Variants in NAV3 observed in about 807,000 individuals in gnomAD.
The protein encoded by NAV3 is neuron navigator 3, also known as pore membrane and/or filament interacting like protein 1.
In NAV3, 87 loss-of-function variants were observed where a neutral mutation model predicts 244.7. The ratio of observed to expected loss-of-function variants is 0.36; its 90% confidence interval spans 0.30 to 0.42. The LOEUF (loss-of-function observed/expected upper bound fraction) is 0.42, where lower values mean the gene tolerates loss of function less well. Among genes scored for constraint, NAV3 ranks in the 20% least tolerant of loss-of-function variants. The pLI is 1.00. For synonymous variants in NAV3, 1,126 were observed against 1,042.2 expected (o/e 1.08, Z -1.55); for missense variants, 2,663 against 2,893.3 (o/e 0.92, Z 1.83).
intron 2 of NAV3, among the ~76,000 whole-genome samples, chr12:77,638,674 T>C (rs1046064405): frequency 5.3e-5 from 8 of 152,250 alleles, no homozygotes; most frequent in Non-Finnish European, 8.8e-5. Flanking sequence ...TGACAGTTTA[T>C]ATAATAATTA....
intron 2 of NAV3, among the ~76,000 whole-genome samples, chr12:77,652,812 G>C (rs1189333972): frequency 1.3e-5 from 2 of 152,178 alleles, no homozygotes; most frequent in African/African-American, 4.8e-5. Flanking sequence ...AAAAATAGTA[G>C]AGCCCATTAT....
At chr12:78,120,104 TATC>T (rs1210098212) in intron 15 of NAV3, among the ~76,000 whole-genome samples, 159 bp downstream of exon 15, 3 of 151,892 alleles carry the variant, frequency 2.0e-5, no homozygotes, top group African/African-American at 2.4e-5. Flanking sequence ...CTATGAAGCT[TATC>T]ATATAAACAG....
intron 37 of NAV3, 77 bp from the exon 38 acceptor site, chr12:78,200,396 T>C (rs182217760): frequency 1.3e-5 from 11 of 825,914 alleles, no homozygotes; most frequent in Admixed American, 8.1e-5. Flanking sequence ...TATATTATAT[T>C]CCAAAATGGT....
At chr12:77,658,460 G>C (rs772320056) in intron 2 of NAV3, among the ~76,000 whole-genome samples, 1,717 of 145,638 alleles carry the variant, frequency 0.012, 28 homozygotes, top group Non-Finnish European at 0.02. Context: ...AATAAAAGAG[G>C]ATAGAAACAA....
Position 77,883,895 on chromosome 12 carries a change from A to T in NAV3, c.243+52191A>T, listed in dbSNP as rs139315098. On this transcript the variant is annotated intron_variant, in intron 1 of 39. Transcript: ENST00000397909. ...TCTTTCCTAGAAAAAATGTGATTGTATTTTCCTGACATTATTTTATAAACA... is the reference window on the plus strand; with the variant it reads ...TCTTTCCTAGAAAAAATGTGATTGTTTTTTCCTGACATTATTTTATAAACA... Among the ~76,000 whole-genome samples, 4 of 152,158 alleles carry T rather than the reference A, an allele frequency of 2.6e-5. No homozygotes were observed. In the East Asian group the frequency reaches 5.8e-4, roughly 22 times the overall value.
chr12:77,684,226 A>G (rs927208352), intron 2 of NAV3, among the ~76,000 whole-genome samples: 43 of 152,282 alleles, frequency 2.8e-4, no homozygotes, highest in African/African-American at 9.9e-4. Flanking sequence ...GCATTCACAT[A>G]TACTCTTCTG....
chr12:77,821,092 AACACAC>A (rs10555319), intron 2 of NAV3, among the ~76,000 whole-genome samples: 5 of 150,178 alleles, frequency 3.3e-5, no homozygotes, highest in South Asian at 2.1e-4. Context: ...TGTTCGCACA[AACACAC>A]ACACACACAC....
chr12:77,673,080 A>G (rs1874058757), intron 2 of NAV3, among the ~76,000 whole-genome samples: 1 of 152,154 alleles, frequency 6.6e-6, no homozygotes, highest in African/African-American at 2.4e-5. Context: ...GAGGTAATCA[A>G]GTGTATTTTG....
chr12:78,149,571 A>G (rs930224460), intron 22 of NAV3, among the ~76,000 whole-genome samples: 4 of 152,118 alleles, frequency 2.6e-5, no homozygotes, highest in Non-Finnish European at 1.5e-5. Flanking sequence ...GCAGAATGAT[A>G]AAGGAGAAAT....
chr12:77,831,218 AAAGAG>A lies in NAV3; in HGVS notation c.-242_-238del. ...GACAGAGAGAGAGAGAGAGAGAGAG[AAAGAG>A]AGAGAGAGAGAGAATGAGAATGAAT... On this transcript the variant is annotated 5_prime_UTR_variant, in exon 1 of 40. Transcript: ENST00000397909. The A allele has an allele frequency of 3.5e-6, 1 of 285,182 alleles. No homozygotes were observed. Among genetic ancestry groups the A allele is most frequent in the Non-Finnish European group, 6.6e-6 (1 of 150,814 alleles). The allele number at this position is 285,182 out of a possible 1,614,324, so 17.7% of individuals were successfully genotyped here.
At chr12:77,882,949 G>A (rs1295760563) in intron 1 of NAV3, among the ~76,000 whole-genome samples, 6 of 152,098 alleles carry the variant, frequency 3.9e-5, no homozygotes, top group Non-Finnish European at 8.8e-5. Flanking sequence ...AGGCTAGTGA[G>A]GCAGCAGAGA....
chr12:77,885,821 C>T (rs780159014), intron 1 of NAV3, among the ~76,000 whole-genome samples: 6 of 152,052 alleles, frequency 3.9e-5, no homozygotes, highest in Middle Eastern at 3.2e-3. Context: ...TAAATACAAC[C>T]GGAGACATAC....
intron 1 of NAV3, among the ~76,000 whole-genome samples, chr12:77,843,525 T>A (rs1876080930): frequency 2.9e-5 from 4 of 136,370 alleles, no homozygotes; most frequent in Admixed American, 7.7e-5. Context: ...AAATTCCTAT[T>A]TTTTTTTTTT....
At chr12:77,863,922 A>C (rs1044133392) in intron 1 of NAV3, among the ~76,000 whole-genome samples, 2 of 151,882 alleles carry the variant, frequency 1.3e-5, no homozygotes, top group East Asian at 3.8e-4. Context: ...TATTTGAGGG[A>C]GTCATACAGG....
chr12:77,966,265 G>C lies in NAV3; in HGVS notation c.451G>C (p.Ala151Pro). The change falls in exon 4 of 40, where the codon GCC becomes CCC. Residue 151 changes from alanine to proline, a missense_variant. Ala to Pro is a conservative substitution (Grantham distance 27). Transcript: ENST00000397909. ...NVDVCLSFLA[A>P]RGVNVQGLSA... ...TGATGTCTGCCTTAGTTTTCTAGCA[G>C]CCAGAGGGGTAAATGTTCAAGGTCT... The C allele has an allele frequency of 6.2e-7, 1 of 1,613,662 alleles. No individual in the cohort carries two copies. The highest frequency in any genetic ancestry group is 8.5e-7 in the Non-Finnish European group (1 of 1,179,798).
At chr12:78,209,437 T>C (rs182964435) in intron 39 of NAV3, among the ~76,000 whole-genome samples, 1 of 152,256 alleles carries the variant, frequency 6.6e-6, no homozygotes, top group Admixed American at 6.5e-5. Context: ...TAAAAACCCT[T>C]GATATGAAAA....
At chr12:78,000,877 C>A (rs1388613300) in intron 7 of NAV3, among the ~76,000 whole-genome samples, 1 of 149,430 alleles carries the variant, frequency 6.7e-6, no homozygotes, top group Non-Finnish European at 1.5e-5. Flanking sequence ...ACTCAGGAGG[C>A]TGAGGCAGGA....
At chr12:78,167,869 T>A (rs1957843772) in intron 23 of NAV3, among the ~76,000 whole-genome samples, 1 of 151,712 alleles carries the variant, frequency 6.6e-6, no homozygotes, top group South Asian at 2.1e-4. Flanking sequence ...TCAGTTCTTT[T>A]TCTTTCTATC....
chr12:78,108,949 T>A (rs1585350), intron 12 of NAV3, among the ~76,000 whole-genome samples: 112,635 of 151,822 alleles, frequency 0.74, 41,987 homozygotes, highest in Middle Eastern at 0.78. Context: ...AGAAACACAA[T>A]AATAAAGATC....
Sources: gnomAD v4.1 joint callset for allele counts (sites outside exome capture counted in the v4.1 genomes callset) on GRCh38, gnomAD v4.1.1 for gene constraint, MANE v1.5 for transcripts, NCBI Gene and HGNC (gene_info 2026-07-23, HGNC 2026-07-21) for gene names.